The following PEAK1 variants were observed in gnomAD, a reference collection of about 807,000 sequenced individuals.
PEAK1 encodes the protein pseudopodium enriched atypical kinase 1.
In PEAK1, 54 loss-of-function variants were observed where a neutral mutation model predicts 124.7. The ratio of observed to expected loss-of-function variants is 0.43; its 90% CI spans 0.35 to 0.54. PEAK1 has a LOEUF of 0.54. PEAK1 is among the 20% of genes least tolerant of loss of function. PEAK1 has a pLI of 0.01. For synonymous variants in PEAK1, 719 were observed against 760.0 expected (o/e 0.95, Z 0.89); for missense variants, 2,046 against 2,134.5 (o/e 0.96, Z 0.82).
intron 7 of PEAK1, among the ~76,000 whole-genome samples, chr15:77,177,370 T>C (rs1205023757): frequency 6.6e-6 from 1 of 152,200 alleles, no homozygotes; most frequent in African/African-American, 2.4e-5. Context: ...ACTACCATCC[T>C]AGTTGCTTTG....
At chr15:77,151,811 G>A (rs1401333994) in intron 8 of PEAK1, among the ~76,000 whole-genome samples, 11 of 152,032 alleles carry the variant, frequency 7.2e-5, no homozygotes, top group Admixed American at 2.6e-4. Flanking sequence ...GTCAAAGATC[G>A]GATGGTTGTA....
chr15:77,349,804 A>G, intron 2 of PEAK1: 2 of 985,352 alleles, frequency 2.0e-6, no homozygotes, highest in South Asian at 4.7e-5. Context: ...ATTGTTTTGC[A>G]GCTGAGGGGA....
intron 6 of PEAK1, among the ~76,000 whole-genome samples, chr15:77,213,331 G>A (rs967949018): frequency 2.0e-5 from 3 of 152,158 alleles, no homozygotes; most frequent in African/African-American, 7.2e-5. Context: ...AAGATTTACA[G>A]ATAAAGAGTT....
intron 8 of PEAK1, among the ~76,000 whole-genome samples, chr15:77,144,972 C>G (rs2054067751): frequency 6.6e-6 from 1 of 152,184 alleles, no homozygotes; most frequent in African/African-American, 2.4e-5. Context: ...ACATCACATA[C>G]TCTACATTTT....
intron 2 of PEAK1, among the ~76,000 whole-genome samples, chr15:77,313,530 G>A (rs941662256): frequency 8.6e-5 from 13 of 151,458 alleles, no homozygotes; most frequent in Admixed American, 2.0e-4. Flanking sequence ...GCAATGGCGC[G>A]AACTCGGCTC....
intron 6 of PEAK1, among the ~76,000 whole-genome samples, chr15:77,238,134 C>T (rs879904273): frequency 3.9e-5 from 6 of 151,952 alleles, no homozygotes; most frequent in East Asian, 1.9e-4. Context: ...TGTTTCTTTT[C>T]GTCTAGTAAT....
intron 2 of PEAK1, among the ~76,000 whole-genome samples, chr15:77,357,196 G>A (rs1040482760): frequency 5.3e-5 from 8 of 152,216 alleles, no homozygotes; most frequent in Non-Finnish European, 7.3e-5. Context: ...TGTGAGACGA[G>A]GAGTACGAAG....
At chr15:77,241,457 G>A (rs758898583) in intron 6 of PEAK1, among the ~76,000 whole-genome samples, 1 of 152,014 alleles carries the variant, frequency 6.6e-6, no homozygotes, top group Non-Finnish European at 1.5e-5. Flanking sequence ...CCTGTTCCAC[G>A]TATCCTGAAA....
rs571730010 is a variant in PEAK1 at position 77,234,761 on chromosome 15, G to A, written c.-115+17606C>T. ...AGAGATCCTCCTGCTTCATCCTCCT[G>A]AGTAGCTAGGACTACAGGTATGGAC... On this transcript the variant is annotated intron_variant, in intron 6 of 9. Coordinates refer to ENST00000682557, the MANE Select transcript of PEAK1 (RefSeq NM_001385026.1). 6.6e-5 allele frequency among the ~76,000 whole-genome samples: 10 copies of A among 151,820 alleles called. No individual in the cohort carries two copies. The East Asian group carries it at 1.9e-3, about 29-fold the overall frequency.
chr15:77,416,281 C>T (rs2072878587), intron 1 of PEAK1, among the ~76,000 whole-genome samples: 1 of 152,206 alleles, frequency 6.6e-6, no homozygotes, highest in Non-Finnish European at 1.5e-5. Flanking sequence ...GCCCAATCTA[C>T]TCAGCGGATC....
At chr15:77,318,090 G>T (rs2064985721) in intron 2 of PEAK1, among the ~76,000 whole-genome samples, 1 of 152,088 alleles carries the variant, frequency 6.6e-6, no homozygotes, top group Non-Finnish European at 1.5e-5. Flanking sequence ...ATCTTTGTAG[G>T]TATGGAACAG....
In PEAK1 at chr15:77,234,823, T is replaced by A. The variant is rs112499657; in HGVS notation, c.-115+17544A>T. ...GCTAATTAAAAAAAAATATATATAT[T>A]TTTTTGAGACAGGGTCTTGCTCTGT... On this transcript the variant is annotated intron_variant, in intron 6 of 9. Coordinates refer to ENST00000682557, the MANE Select transcript of PEAK1 (RefSeq NM_001385026.1). Among the ~76,000 whole-genome samples the A allele has an allele frequency of 8.7e-3, 1,320 of 152,100 alleles. 21 individuals carry two copies. The highest frequency in any genetic ancestry group is 0.03 in the African/African-American group (1,246 of 41,480).
chr15:77,279,096 C>CAT (rs1567204431), intron 5 of PEAK1, among the ~76,000 whole-genome samples: 1 of 109,986 alleles, frequency 9.1e-6, no homozygotes, highest in Non-Finnish European at 2.2e-5. Flanking sequence ...CCAAGGTGCT[C>CAT]GTGTGTGCGT....
chr15:77,298,043 C>T (rs1428780734), intron 2 of PEAK1, among the ~76,000 whole-genome samples: 2 of 100,312 alleles, frequency 2.0e-5, no homozygotes, highest in East Asian at 3.0e-4. Flanking sequence ...CCGGCCTGGG[C>T]GACAGGGCGA....
rs997866381 is a variant in PEAK1 at position 77,305,116 on chromosome 15, C to T, written c.-602-18612G>A. Among the ~76,000 whole-genome samples the T allele has an allele frequency of 2.7e-5, 4 of 148,764 alleles. No individual in the cohort carries two copies. The Admixed American group carries it at 2.7e-4, about 10-fold the overall frequency. ...TGAGATTGAGCCACTGCACTCCAGC[C>T]TGGACAACAGAGCAAGACCCTGTTT... On this transcript the variant is annotated intron_variant, in intron 2 of 9. Transcript: ENST00000682557.
At chr15:77,236,487 T>C (rs2060131081) in intron 6 of PEAK1, among the ~76,000 whole-genome samples, 1 of 152,228 alleles carries the variant, frequency 6.6e-6, no homozygotes, top group Non-Finnish European at 1.5e-5. Flanking sequence ...ATTTACCCAA[T>C]TCCTGTTCCC....
Position 77,286,443 on chromosome 15 carries a change from T to G in PEAK1, c.-541A>C. 8.1e-7 allele frequency: 1 copy of G among 1,228,182 alleles called. No homozygotes were observed. The highest frequency in any genetic ancestry group is 1.0e-6 in the Non-Finnish European group (1 of 984,912). 76.1% of individuals were successfully genotyped at this position (1,228,182 alleles called of 1,614,324 possible). On this transcript the variant is annotated 5_prime_UTR_variant, in exon 3 of 10. Coordinates refer to ENST00000682557, the MANE Select transcript of PEAK1 (RefSeq NM_001385026.1). The stretch of plus-strand genomic sequence containing the variant: ...CAAACCTGGTTTAATTGGCTCCAAC[T>G]CTGGGCATTATGTTGTTGCTTCCTT...
chr15:77,256,049 T>A (rs1427822392), intron 5 of PEAK1, among the ~76,000 whole-genome samples: 1 of 151,974 alleles, frequency 6.6e-6, no homozygotes, highest in Non-Finnish European at 1.5e-5. Flanking sequence ...TAGCATGAAG[T>A]TAAATATAAG....
chr15:77,410,070 TG>T (rs1567368168), intron 1 of PEAK1, among the ~76,000 whole-genome samples: 1 of 131,110 alleles, frequency 7.6e-6, no homozygotes, highest in African/African-American at 2.8e-5. Context: ...TTGGTGTGTG[TG>T]TGTGTTTTTT....
Sources: allele counts gnomAD v4.1 joint callset (sites outside exome capture counted in the v4.1 genomes callset), GRCh38; gene constraint gnomAD v4.1.1; transcripts MANE v1.5; gene names NCBI Gene and HGNC (gene_info 2026-07-23, HGNC 2026-07-21).